SMR3B: variants seen among roughly 807,000 people sequenced by gnomAD.
SMR3B encodes the protein submaxillary gland androgen regulated protein 3B, also known as submaxillary gland androgen-regulated protein 3B.
For synonymous variants in SMR3B, 42 were observed against 36.1 expected (o/e 1.16, Z -0.59); for missense variants, 114 against 99.9 (o/e 1.14, Z -0.60).
rs534815355 is a variant in SMR3B, at chr4:70,384,549, T to C, written c.39T>C (p.Leu13=). 25 of 1,609,974 alleles carry C rather than the reference T, an allele frequency of 1.6e-5. No individual in the cohort carries two copies. Among genetic ancestry groups the C allele is most frequent in the Middle Eastern group, 1.7e-4 (1 of 5,996 alleles). Reference sequence around the variant, plus strand: ...CTTGGATCTTGGGCCTTTGGGCTCTTGCAGCGTGTTTCACAGTAAGTATCA... The same window carrying C: ...CTTGGATCTTGGGCCTTTGGGCTCTCGCAGCGTGTTTCACAGTAAGTATCA... ...SLTWILGLWA[L]AACFTPGESQ... The change falls in exon 2 of 3, where the codon CTT becomes CTC. Residue 13 remains leucine, a synonymous_variant. Transcript: ENST00000304915.
At chr4:70,387,058 G>A (rs146441133) in intron 2 of SMR3B, among the ~76,000 whole-genome samples, 1 of 152,166 alleles carries the variant, frequency 6.6e-6, no homozygotes, top group Admixed American at 6.6e-5. Context: ...AGGTTGAAGA[G>A]CAAATGGGAA....
chr4:70,388,962 T>G (rs1436079339), intron 2 of SMR3B, among the ~76,000 whole-genome samples: 1 of 152,188 alleles, frequency 6.6e-6, no homozygotes, highest in Non-Finnish European at 1.5e-5. Context: ...AGATTTTTGC[T>G]CATTATATAT....
chr4:70,386,537 A>G (rs1034762626), intron 2 of SMR3B, among the ~76,000 whole-genome samples: 1 of 151,888 alleles, frequency 6.6e-6, no homozygotes, highest in Non-Finnish European at 1.5e-5. Context: ...TCTTAGATGG[A>G]CTGTTCCTAA....
chr4:70,387,431 G>A (rs1333460856), intron 2 of SMR3B, among the ~76,000 whole-genome samples: 1 of 152,078 alleles, frequency 6.6e-6, no homozygotes, highest in Non-Finnish European at 1.5e-5. Flanking sequence ...GGAGAAGGGT[G>A]AGTGGAACAT....
chr4:70,390,168 A>T lies in SMR3B; in HGVS notation c.*320A>T. On this transcript the variant is annotated 3_prime_UTR_variant, in exon 3 of 3. Coordinates refer to ENST00000304915, the MANE Select transcript of SMR3B (RefSeq NM_006685.4). ...CTGAGCTTTGGGGAGAAATAATCTT[A>T]GAAAGAAATTGTAGAAAAAACCCAT... 1.6e-6 allele frequency: 1 copy of T among 630,056 alleles called. No individual in the cohort carries two copies. The highest frequency in any genetic ancestry group is 2.8e-6 in the Non-Finnish European group (1 of 354,220). The allele number at this position is 630,056 out of a possible 1,614,324, so 39.0% of individuals were successfully genotyped here.
rs774021158 is a variant in SMR3B, at chr4:70,389,720, C to A, written c.112C>A (p.Pro38Thr). The change falls in exon 3 of 3, where the codon CCT becomes ACT. Residue 38 changes from proline to threonine, a missense_variant. Transcript: ENST00000304915. ...ATATCCACCTGGACCGCTGGCTCCTCCTCAACCTTTTGGCCCAGGATTTGT... is the reference window on the plus strand; with the variant it reads ...ATATCCACCTGGACCGCTGGCTCCTACTCAACCTTTTGGCCCAGGATTTGT... ...GPYPPGPLAP[P>T]QPFGPGFVPP... The A allele has an allele frequency of 1.9e-6, 3 of 1,614,040 alleles. No individual in the cohort carries two copies. Among genetic ancestry groups the A allele is most frequent in the South Asian group, 2.2e-5 (2 of 91,080 alleles).
At chr4:70,385,774 T>C (rs1282884182) in intron 2 of SMR3B, among the ~76,000 whole-genome samples, 1 of 152,062 alleles carries the variant, frequency 6.6e-6, no homozygotes, top group Non-Finnish European at 1.5e-5. Context: ...CTTGGCTAAA[T>C]TACTGAGAGC....
At chr4:70,384,108 A>G (rs1427047480) in intron 1 of SMR3B, among the ~76,000 whole-genome samples, 3 of 152,044 alleles carry the variant, frequency 2.0e-5, no homozygotes, top group Admixed American at 6.6e-5. Flanking sequence ...CCATCCATAG[A>G]AATCTATAAT....
chr4:70,386,056 T>G (rs140170352), intron 2 of SMR3B, among the ~76,000 whole-genome samples: 41 of 151,392 alleles, frequency 2.7e-4, no homozygotes, highest in Non-Finnish European at 5.0e-4. Flanking sequence ...GGTGGTAACT[T>G]GAGGTTAGGG....
At chr4:70,384,747 A>G in intron 2 of SMR3B, 183 bp downstream of exon 2, 1 of 1,244,494 alleles carries the variant, frequency 8.0e-7, no homozygotes, top group Non-Finnish European at 1.1e-6. Context: ...CACATGTCTG[A>G]TGGCTGCCAT....
At chr4:70,386,425 C>T (rs1461693541) in intron 2 of SMR3B, among the ~76,000 whole-genome samples, 1 of 148,166 alleles carries the variant, frequency 6.7e-6, no homozygotes, top group Admixed American at 6.7e-5. Flanking sequence ...ATGTCCTTTA[C>T]GTGTGTGTGT....
At chr4:70,389,434 C>T (rs1028007250) in intron 2 of SMR3B, among the ~76,000 whole-genome samples, 3 of 152,114 alleles carry the variant, frequency 2.0e-5, no homozygotes. Flanking sequence ...TGATTCAAAG[C>T]CCAGAGAAAA....
At chr4:70,389,606 C>T (rs1388430915) in intron 2 of SMR3B, 57 bp from the exon 3 acceptor site, 14 of 1,531,136 alleles carry the variant, frequency 9.1e-6, no homozygotes, top group Non-Finnish European at 1.2e-5. Flanking sequence ...AAGCATTCAC[C>T]CTTATATTTA....
chr4:70,385,352 C>T (rs1732639228), intron 2 of SMR3B, among the ~76,000 whole-genome samples: 1 of 149,770 alleles, frequency 6.7e-6, no homozygotes, highest in Non-Finnish European at 1.5e-5. Context: ...AAATTTACAT[C>T]ATTCTGAAAC....
chr4:70,387,766 T>C (rs1161603357), intron 2 of SMR3B, among the ~76,000 whole-genome samples: 1 of 152,128 alleles, frequency 6.6e-6, no homozygotes, highest in Non-Finnish European at 1.5e-5. Flanking sequence ...TGGCATCAAC[T>C]TGGAAAATTA....
intron 1 of SMR3B, among the ~76,000 whole-genome samples, chr4:70,383,573 T>G (rs1732596263): frequency 6.6e-6 from 1 of 152,112 alleles, no homozygotes; most frequent in Admixed American, 6.6e-5. Context: ...TTATTATTGG[T>G]TTTTCTTTTG....
intron 1 of SMR3B, among the ~76,000 whole-genome samples, chr4:70,383,503 C>T (rs1453840064): frequency 6.6e-6 from 1 of 152,074 alleles, no homozygotes; most frequent in Non-Finnish European, 1.5e-5. Context: ...CTTGAAACTT[C>T]ATAAGGATAG....
At chr4:70,385,657 G>T (rs1470055130) in intron 2 of SMR3B, among the ~76,000 whole-genome samples, 1 of 151,752 alleles carries the variant, frequency 6.6e-6, no homozygotes, top group Non-Finnish European at 1.5e-5. Context: ...GCCAGCCTCG[G>T]CCTCCCAAAG....
intron 2 of SMR3B, 182 bp downstream of exon 2, chr4:70,384,746 G>A: frequency 1.1e-5 from 14 of 1,256,116 alleles, no homozygotes; most frequent in Non-Finnish European, 1.4e-5. Context: ...ACACATGTCT[G>A]ATGGCTGCCA....
Sources: gnomAD v4.1 joint callset for allele counts (sites outside exome capture counted in the v4.1 genomes callset) on GRCh38, gnomAD v4.1.1 for gene constraint, MANE v1.5 for transcripts, NCBI Gene and HGNC (gene_info 2026-07-23, HGNC 2026-07-21) for gene names.